Variants in PCLO observed in about 807,000 individuals in gnomAD.
PCLO encodes piccolo presynaptic cytomatrix protein.
A neutral mutation model predicts 427.5 loss-of-function variants in PCLO; 82 were observed. That is an observed-to-expected ratio of 0.19 (90% confidence interval 0.16 to 0.23). The LOEUF is 0.23. PCLO is among the 10% of genes least tolerant of loss of function. The pLI is 1.00. For synonymous variants in PCLO, 2,357 were observed against 2,155.4 expected, an observed-to-expected ratio of 1.09 and a Z score of -2.59; for missense variants, 6,239 against 6,115.9, an observed-to-expected ratio of 1.02 and a Z score of -0.67.
intron 22 of PCLO, among the ~76,000 whole-genome samples, chr7:82,782,322 GA>G (rs1430511103): frequency 1.3e-5 from 2 of 152,170 alleles, no homozygotes; most frequent in Non-Finnish European, 2.9e-5. Flanking sequence ...GGAAAAACAT[GA>G]TTTGAGGAGA....
chr7:83,089,240 T>TA (rs959063282), intron 3 of PCLO, among the ~76,000 whole-genome samples: 25 of 151,366 alleles, frequency 1.7e-4, no homozygotes, highest in African/African-American at 3.4e-4. Context: ...ATGTTCAGGG[T>TA]AAAAAAAAAT....
intron 10 of PCLO, among the ~76,000 whole-genome samples, chr7:82,860,124 G>C (rs755375149): frequency 1.2e-4 from 19 of 152,098 alleles, no homozygotes; most frequent in Admixed American, 4.6e-4. Flanking sequence ...CCTTAAAGAG[G>C]AAGTAGAGGA....
At chr7:82,868,363 T>G (rs1793147762) in intron 10 of PCLO, among the ~76,000 whole-genome samples, 1 of 152,162 alleles carries the variant, frequency 6.6e-6, no homozygotes, top group Admixed American at 6.6e-5. Context: ...GGCCAACTTC[T>G]AAAATCAAAA....
intron 10 of PCLO, among the ~76,000 whole-genome samples, chr7:82,848,332 A>ATTT (rs977004495): frequency 2.5e-5 from 3 of 120,240 alleles, no homozygotes; most frequent in Admixed American, 9.0e-5. Context: ...TTTTTTTTTA[A>ATTT]ACAGGTCCCA....
At chr7:82,976,717 A>T (rs1796025990) in intron 3 of PCLO, among the ~76,000 whole-genome samples, 2 of 149,300 alleles carry the variant, frequency 1.3e-5, no homozygotes, top group Admixed American at 1.3e-4. Flanking sequence ...TTTAGTTTCT[A>T]AAAAAAAAAT....
intron 10 of PCLO, among the ~76,000 whole-genome samples, chr7:82,873,441 G>T (rs1403753329): frequency 6.6e-6 from 1 of 152,104 alleles, no homozygotes; most frequent in African/African-American, 2.4e-5. Context: ...GCTGACTGGG[G>T]AAGAGGCTCA....
chr7:83,087,481 G>T (rs958001349), intron 3 of PCLO, among the ~76,000 whole-genome samples: 1 of 151,800 alleles, frequency 6.6e-6, no homozygotes, highest in African/African-American at 2.4e-5. Flanking sequence ...AAAAAAAAAA[G>T]TATGTGCATT....
intron 3 of PCLO, among the ~76,000 whole-genome samples, chr7:83,084,209 C>T (rs1460914809): frequency 6.6e-6 from 1 of 151,822 alleles, no homozygotes; most frequent in African/African-American, 2.4e-5. Context: ...AGCTCTGCTT[C>T]ATATATATTT....
chr7:82,791,193 G>T (rs1161137254), intron 22 of PCLO, among the ~76,000 whole-genome samples: 1 of 148,934 alleles, frequency 6.7e-6, no homozygotes, highest in Non-Finnish European at 1.5e-5. Context: ...TTGTGTTGTT[G>T]TTATTGTTAT....
chr7:82,908,092 T>C (rs1267099798), intron 8 of PCLO, among the ~76,000 whole-genome samples: 1 of 152,040 alleles, frequency 6.6e-6, no homozygotes, highest in African/African-American at 2.4e-5. Flanking sequence ...ATAATCATAA[T>C]GAGTACACAA....
At chr7:83,044,579 T>C (rs1789060065) in intron 3 of PCLO, among the ~76,000 whole-genome samples, 1 of 152,190 alleles carries the variant, frequency 6.6e-6, no homozygotes, top group Admixed American at 6.5e-5. Context: ...TGTTTGTTTT[T>C]TGTGCAAAGT....
intron 3 of PCLO, among the ~76,000 whole-genome samples, chr7:83,072,820 A>G (rs1269733152): frequency 6.6e-6 from 1 of 151,960 alleles, no homozygotes; most frequent in Non-Finnish European, 1.5e-5. Flanking sequence ...GCTCTTATCT[A>G]TGTAGCCATT....
chr7:83,051,644 A>G (rs896964022), intron 3 of PCLO, among the ~76,000 whole-genome samples: 2 of 152,152 alleles, frequency 1.3e-5, no homozygotes, highest in Non-Finnish European at 2.9e-5. Context: ...TGATTTATAG[A>G]TTCAATGCAA....
At position 82,915,196 on chromosome 7, in the gene PCLO, G is replaced by A; in HGVS notation, c.12790C>T (p.Leu4264=). Residue 4264 remains leucine, a synonymous_variant, in exon 7 of 25, where the codon CTG becomes TTG. Coordinates refer to ENST00000333891, the MANE Select transcript of PCLO (RefSeq NM_033026.6). ...CGTATGGTATTTCCTAATGTGCCCA[G>A]TCCTGTGCCAAGAGAAGATCCCATA... ...KFMGSSLGTG[L]GTLGNTIRSA... The A allele has an allele frequency of 3.1e-6, 5 of 1,610,482 alleles. No individual in the cohort carries two copies. Among genetic ancestry groups the A allele is most frequent in the Non-Finnish European group, 4.2e-6 (5 of 1,178,144 alleles).
rs766623004 is a variant in PCLO, at chr7:83,093,477, G to GATATATATAT, written c.3300+40763_3300+40772dup. Among the ~76,000 whole-genome samples, 3 of 92,190 alleles carry GATATATATAT rather than the reference G, an allele frequency of 3.3e-5. 1 individual carries two copies. The highest frequency in any genetic ancestry group is 1.3e-4 in the African/African-American group (3 of 22,770). 60.5% of individuals were successfully genotyped at this position (92,190 alleles called of 152,430 possible). ...AAACATATATATGTGTGTGTGTATAGATATATATATATATATTTTTTTTTT... is the reference window on the plus strand; with the variant it reads ...AAACATATATATGTGTGTGTGTATAGATATATATATATATATATATATATATTTTTTTTTT... On this transcript the variant is annotated intron_variant, in intron 3 of 24. Coordinates refer to ENST00000333891, the MANE Select transcript of PCLO (RefSeq NM_033026.6).
chr7:83,158,925 G>C (rs79024807), intron 1 of PCLO, among the ~76,000 whole-genome samples: 3,421 of 152,004 alleles, frequency 0.023, 133 homozygotes, highest in African/African-American at 0.077. Flanking sequence ...AAACGTAAAG[G>C]TGCTGCTGTC....
At chr7:82,999,571 TATAATATTATATTAAAATATAAAATATA>T (rs1562909111) in intron 3 of PCLO, among the ~76,000 whole-genome samples, 920 of 49,280 alleles carry the variant, frequency 0.019, 268 homozygotes, top group Middle Eastern at 0.068. Flanking sequence ...AAATATAAAA[TATAATATTATATTAAAATATAAAATATA>T]ATATTATATA....
At chr7:83,009,909 A>T (rs1788037625) in intron 3 of PCLO, among the ~76,000 whole-genome samples, 1 of 151,966 alleles carries the variant, frequency 6.6e-6, no homozygotes, top group African/African-American at 2.4e-5. Context: ...TAGTCAATTA[A>T]GACATTATTT....
intron 6 of PCLO, among the ~76,000 whole-genome samples, chr7:82,936,991 G>A (rs1481897878): frequency 2.6e-5 from 4 of 151,700 alleles, no homozygotes; most frequent in East Asian, 1.9e-4. Context: ...GAGGCTAAGC[G>A]GGGAAGGGAA....
Sources: allele counts gnomAD v4.1 joint callset (sites outside exome capture counted in the v4.1 genomes callset), GRCh38; gene constraint gnomAD v4.1.1; transcripts MANE v1.5; gene names NCBI Gene and HGNC (gene_info 2026-07-23, HGNC 2026-07-21).